CAPZB: variants seen among roughly 807,000 people sequenced by gnomAD.
The protein encoded by CAPZB is F-actin-capping protein subunit beta.
A neutral mutation model predicts 38.1 loss-of-function variants in CAPZB; 2 were observed. The observed-to-expected ratio is 0.05, with a 90% CI of 0.02 to 0.17. The LOEUF is 0.17. Ranked by LOEUF, CAPZB falls within the 10% of genes least tolerant of loss-of-function variation. The pLI, the probability that CAPZB is intolerant of heterozygous loss-of-function variation, is 1.00. For synonymous variants in CAPZB, 107 were observed against 127.4 expected, an observed-to-expected ratio of 0.84 and a Z score of 1.08; for missense variants, 161 against 334.2, an observed-to-expected ratio of 0.48 and a Z score of 4.04.
chr1:19,479,719 C>G (rs2094620688), intron 1 of CAPZB, among the ~76,000 whole-genome samples: 1 of 152,192 alleles, frequency 6.6e-6, no homozygotes, highest in African/African-American at 2.4e-5. Flanking sequence ...CCTGCATGCA[C>G]AGCCAGAGGG....
chr1:19,369,361 C>A (rs949660363), intron 4 of CAPZB, among the ~76,000 whole-genome samples: 1 of 152,228 alleles, frequency 6.6e-6, no homozygotes, highest in African/African-American at 2.4e-5. Context: ...TCAGCTGTAC[C>A]CCTCCAAAGC....
chr1:19,417,467 T>C (rs556725131), intron 2 of CAPZB, among the ~76,000 whole-genome samples: 1 of 152,158 alleles, frequency 6.6e-6, no homozygotes, highest in Non-Finnish European at 1.5e-5. Context: ...CTCTTCCACG[T>C]AGGATCAATC....
At chr1:19,341,790 A>G (rs1014564334) in intron 8 of CAPZB, among the ~76,000 whole-genome samples, 1 of 152,222 alleles carries the variant, frequency 6.6e-6, no homozygotes, top group Non-Finnish European at 1.5e-5. Flanking sequence ...TGGCACACAC[A>G]GACCAGACTG....
rs544249550 is a variant in CAPZB at position 19,393,646 on chromosome 1, G to A, written c.94-8020C>T. Among the ~76,000 whole-genome samples the A allele has an allele frequency of 1.2e-4, 18 of 152,320 alleles. 1 individual carries two copies. The South Asian group carries it at 3.7e-3, about 32-fold the overall frequency. On this transcript the variant is annotated intron_variant, in intron 2 of 8. Coordinates refer to ENST00000264202, the MANE Select transcript of CAPZB (RefSeq NM_004930.5). Reference sequence around the variant, plus strand: ...TCCCCAGTCAGGCTCAGGGGACAGGGGAGGAAAAAAGAATAGAATTGGGGG... The same window carrying A: ...TCCCCAGTCAGGCTCAGGGGACAGGAGAGGAAAAAAGAATAGAATTGGGGG...
intron 1 of CAPZB, among the ~76,000 whole-genome samples, chr1:19,447,966 G>A (rs959871159): frequency 6.6e-6 from 1 of 152,192 alleles, no homozygotes; most frequent in Non-Finnish European, 1.5e-5. Context: ...ATAAGCTTCC[G>A]TCAGTGTGAA....
intron 1 of CAPZB, among the ~76,000 whole-genome samples, chr1:19,434,851 C>T (rs562475162): frequency 6.6e-6 from 1 of 152,024 alleles, no homozygotes; most frequent in Non-Finnish European, 1.5e-5. Context: ...CCTGGGAGGT[C>T]GTGGCTGCAG....
intron 3 of CAPZB, among the ~76,000 whole-genome samples, chr1:19,381,775 CTG>C: frequency 6.8e-6 from 1 of 147,132 alleles, no homozygotes; most frequent in Non-Finnish European, 1.5e-5. Context: ...TCACTGCAAC[CTG>C]TGTCTCCTGG....
intron 4 of CAPZB, among the ~76,000 whole-genome samples, chr1:19,372,194 A>C (rs2100392215): frequency 6.6e-6 from 1 of 152,394 alleles, no homozygotes; most frequent in Non-Finnish European, 1.5e-5. Flanking sequence ...TCCACTCCCC[A>C]GACTCTGGCC....
chr1:19,483,623 A>G (rs942731100), intron 1 of CAPZB, among the ~76,000 whole-genome samples: 20 of 152,234 alleles, frequency 1.3e-4, no homozygotes, highest in African/African-American at 4.6e-4. Context: ...TCACCTGGCG[A>G]GAATCGCTGC....
intron 1 of CAPZB, among the ~76,000 whole-genome samples, chr1:19,426,199 C>A (rs1261248830): frequency 2.0e-5 from 3 of 152,244 alleles, no homozygotes; most frequent in Non-Finnish European, 2.9e-5. Flanking sequence ...AATCTCACTT[C>A]TCCCCGCAGT....
At chr1:19,458,099 CAAAA>C (rs58149759) in intron 1 of CAPZB, among the ~76,000 whole-genome samples, 4 of 128,790 alleles carry the variant, frequency 3.1e-5, no homozygotes, top group Non-Finnish European at 3.3e-5. Flanking sequence ...AAGGAGTTGC[CAAAA>C]AAAAAAAAAA....
intron 1 of CAPZB, chr1:19,484,814 A>C: frequency 2.0e-6 from 1 of 502,964 alleles, no homozygotes; most frequent in Non-Finnish European, 2.6e-6. Context: ...TGAGGTCCAG[A>C]CGGGGGCCAT....
chr1:19,463,862 T>C (rs2094560269), intron 1 of CAPZB, among the ~76,000 whole-genome samples: 1 of 152,174 alleles, frequency 6.6e-6, no homozygotes, highest in Admixed American at 6.5e-5. Flanking sequence ...AATATATTTG[T>C]ATTTGCTTGT....
At chr1:19,411,233 T>A (rs191760748) in intron 2 of CAPZB, among the ~76,000 whole-genome samples, 26 of 152,034 alleles carry the variant, frequency 1.7e-4, no homozygotes, top group South Asian at 6.2e-4. Flanking sequence ...ATGAAAAAAA[T>A]TTTTTTCCAT....
At chr1:19,449,133 A>C in intron 1 of CAPZB, 1 of 1,400,604 alleles carries the variant, frequency 7.1e-7, no homozygotes, top group Non-Finnish European at 9.3e-7. Flanking sequence ...AAAACTCCTG[A>C]CCGTAGAGTC....
At chr1:19,341,378 TG>T (rs1464552326) in intron 8 of CAPZB, among the ~76,000 whole-genome samples, 2 of 152,026 alleles carry the variant, frequency 1.3e-5, no homozygotes, top group African/African-American at 2.4e-5. Context: ...CTAGCCTGGG[TG>T]GTCACTGGCT....
At chr1:19,485,312 TC>T in intron 1 of CAPZB, 123 bp downstream of exon 1, 1 of 621,268 alleles carries the variant, frequency 1.6e-6, no homozygotes, top group Non-Finnish European at 2.3e-6. Flanking sequence ...CCACCCAGGG[TC>T]CGGGACCCCG....
intron 4 of CAPZB, among the ~76,000 whole-genome samples, chr1:19,377,988 G>T (rs1454287709): frequency 6.6e-6 from 1 of 152,200 alleles, no homozygotes; most frequent in African/African-American, 2.4e-5. Flanking sequence ...GGAGGCAGAG[G>T]CCCCTGAGCT....
intron 1 of CAPZB, among the ~76,000 whole-genome samples, chr1:19,450,150 A>AG (rs1558272887): frequency 9.2e-6 from 1 of 108,282 alleles, no homozygotes; most frequent in East Asian, 2.7e-4. Flanking sequence ...TCTCCAAAAA[A>AG]AAAAAAAAAA....
Sources: gnomAD v4.1 joint callset for allele counts (sites outside exome capture counted in the v4.1 genomes callset) on GRCh38, gnomAD v4.1.1 for gene constraint, MANE v1.5 for transcripts, NCBI Gene and HGNC (gene_info 2026-07-23, HGNC 2026-07-21) for gene names.